Variants in LRRFIP1 observed in about 807,000 individuals in gnomAD.
The protein encoded by LRRFIP1 is leucine-rich repeat flightless-interacting protein 1.
Under a neutral mutation model 104.4 loss-of-function variants are expected in LRRFIP1, and 62 were observed. The observed-to-expected ratio is 0.59, with a 90% confidence interval of 0.48 to 0.73. The LOEUF is 0.73. Ranked by LOEUF, LRRFIP1 falls within the 30% of genes least tolerant of loss-of-function variation. The pLI is 0.00. For missense variants in LRRFIP1, 796 were observed against 824.5 expected, an observed-to-expected ratio of 0.97 and a Z score of 0.42; for synonymous variants, 300 against 299.0, an observed-to-expected ratio of 1.00 and a Z score of -0.03.
chr2:237,685,818 G>A (rs972987224), intron 1 of LRRFIP1, among the ~76,000 whole-genome samples: 2 of 152,120 alleles, frequency 1.3e-5, no homozygotes, highest in East Asian at 1.9e-4. Context: ...TCTCCCCCAT[G>A]CAAAGCCTTT....
rs749202892 is a variant in LRRFIP1, at chr2:237,753,451, C to T, written c.1010C>T (p.Ser337Phe). ...GAGCTTGAAGAACAGCTGGCTGAAT[C>T]TAGGCGGCAGTACGAAGAGAAAAAC... is the stretch of plus-strand genomic sequence containing the variant. ...LLELEEQLAE[S>F]RRQYEEKNKE... Residue 337 changes from serine (S) to phenylalanine (F), a missense_variant, in exon 15 of 24, where the codon TCT becomes TTT. Transcript: ENST00000308482. 5 of 1,595,162 alleles carry T rather than the reference C, an allele frequency of 3.1e-6. No homozygotes were observed. The highest frequency in any genetic ancestry group is 4.3e-6 in the Non-Finnish European group (5 of 1,175,736).
intron 1 of LRRFIP1, among the ~76,000 whole-genome samples, chr2:237,633,302 T>C (rs1165073666): frequency 6.6e-6 from 1 of 152,208 alleles, no homozygotes; most frequent in Non-Finnish European, 1.5e-5. Context: ...GCGTGAACAA[T>C]GTGCCTGTGA....
rs545591316 is a variant in LRRFIP1 at position 237,770,017 on chromosome 2, C to T, written c.1509+25C>T. The T allele has an allele frequency of 8.4e-5, 133 of 1,585,612 alleles. 1 individual carries two copies. The South Asian group carries it at 1.4e-3, about 16-fold the overall frequency. ...GGTAACAATCTTTTTATTACTTTACCGGTTCATGAACAGGGCACCTGAAAC... is the reference window on the plus strand; with the variant it reads ...GGTAACAATCTTTTTATTACTTTACTGGTTCATGAACAGGGCACCTGAAAC... On this transcript the variant is annotated intron_variant, in intron 20 of 23. Coordinates refer to ENST00000308482, the MANE Select transcript of LRRFIP1 (RefSeq NM_001137550.2).
chr2:237,662,718 A>G (rs1021895453), intron 1 of LRRFIP1, among the ~76,000 whole-genome samples: 1 of 152,088 alleles, frequency 6.6e-6, no homozygotes, highest in African/African-American at 2.4e-5. Context: ...GGTTAACATT[A>G]AAAACTGGAA....
chr2:237,699,382 T>C (rs2093380450), intron 1 of LRRFIP1, among the ~76,000 whole-genome samples: 1 of 151,744 alleles, frequency 6.6e-6, no homozygotes, highest in African/African-American at 2.4e-5. Context: ...AGATGGAATT[T>C]CGCTCTGTCG....
intron 11 of LRRFIP1, among the ~76,000 whole-genome samples, chr2:237,747,490 G>C (rs923500186): frequency 6.6e-6 from 1 of 152,152 alleles, no homozygotes; most frequent in African/African-American, 2.4e-5. Context: ...GCAGGTCCCC[G>C]GCACCAGCGT....
intron 1 of LRRFIP1, among the ~76,000 whole-genome samples, chr2:237,688,453 T>C (rs1447194123): frequency 3.4e-5 from 1 of 29,582 alleles, no homozygotes; most frequent in Non-Finnish European, 6.2e-5. Context: ...TTTTTTTTTT[T>C]TTCTTTTTTT....
rs2090034115 is a variant in LRRFIP1 at position 237,669,691 on chromosome 2, TAA to T, written c.97-38850_97-38849del. 2.6e-5 allele frequency among the ~76,000 whole-genome samples: 4 copies of T among 152,242 alleles called. No individual in the cohort carries two copies. In the South Asian group the frequency reaches 8.3e-4, roughly 32 times the overall value. ...GTTTGTTGAGCAGAGGAGTGAGTGC[TAA>T]AAGCTGGAGTTCAGCAGAACCACAG... On this transcript the variant is annotated intron_variant, in intron 1 of 23. Transcript: ENST00000308482.
intron 10 of LRRFIP1, among the ~76,000 whole-genome samples, chr2:237,738,489 C>G (rs115036929): frequency 1.3e-5 from 2 of 152,132 alleles, no homozygotes; most frequent in African/African-American, 4.8e-5. Flanking sequence ...CAGGACATGT[C>G]GGGATCCTAA....
At chr2:237,758,488 C>T (rs533442327) in intron 17 of LRRFIP1, among the ~76,000 whole-genome samples, 29 of 152,262 alleles carry the variant, frequency 1.9e-4, no homozygotes, top group African/African-American at 6.5e-4. Flanking sequence ...GTGCTGTGTC[C>T]GTGTGCTTCA....
At position 237,753,807 on chromosome 2, in the gene LRRFIP1, AAAG is replaced by A. The variant is rs1404753622; in HGVS notation, c.1038+329_1038+331del. 2.4e-3 allele frequency among the ~76,000 whole-genome samples: 339 copies of A among 138,808 alleles called. 6 individuals are homozygous for A. The highest frequency in any genetic ancestry group is 7.0e-3 in the African/African-American group (245 of 35,136). The allele number at this position is 138,808 out of a possible 152,430, so 91.1% of individuals were successfully genotyped here. A position where few individuals can be genotyped will look rare whatever the true frequency, so the allele number is the denominator to read the frequency against. On this transcript the variant is annotated intron_variant, in intron 15 of 23. Coordinates refer to ENST00000308482, the MANE Select transcript of LRRFIP1 (RefSeq NM_001137550.2). ...CACTGTCTCAAAAAAAAAAAAAAAA[AAAG>A]GGAATGGTAGGGTGTGTGTGTGTGT...
At chr2:237,638,557 A>G (rs2083428558) in intron 1 of LRRFIP1, among the ~76,000 whole-genome samples, 1 of 152,184 alleles carries the variant, frequency 6.6e-6, no homozygotes, top group South Asian at 2.1e-4. Context: ...ATATTTTTAA[A>G]TCACCCAAAG....
intron 1 of LRRFIP1, among the ~76,000 whole-genome samples, chr2:237,688,359 G>C (rs2092525822): frequency 6.6e-6 from 1 of 152,122 alleles, no homozygotes. Context: ...AAAAGAAGGA[G>C]GAAGTCAAGC....
chr2:237,748,717 A>G (rs1482369448), intron 12 of LRRFIP1, among the ~76,000 whole-genome samples: 1 of 152,202 alleles, frequency 6.6e-6, no homozygotes, highest in African/African-American at 2.4e-5. Context: ...AAGCCCATGA[A>G]GAGTTTCCAA....
chr2:237,761,738 A>G (rs772685877), intron 19 of LRRFIP1, among the ~76,000 whole-genome samples: 10 of 152,120 alleles, frequency 6.6e-5, no homozygotes, highest in Non-Finnish European at 1.3e-4. Context: ...TATTTCCCCC[A>G]TTTTCCCTGG....
In LRRFIP1 at chr2:237,692,998, T is replaced by C. The variant is rs192785400; in HGVS notation, c.97-15546T>C. Among the ~76,000 whole-genome samples the C allele has an allele frequency of 3.1e-3, 471 of 152,244 alleles. 11 individuals are homozygous for C. The East Asian group carries it at 0.047, about 15-fold the overall frequency. On this transcript the variant is annotated intron_variant, in intron 1 of 23. Transcript: ENST00000308482. ...CCTGGGGACCACCTCCGCCGAGGAC[T>C]CCAGACGCCAAATCCACTTTGGCTA...
At chr2:237,665,213 A>G (rs2088976017) in intron 1 of LRRFIP1, among the ~76,000 whole-genome samples, 1 of 152,254 alleles carries the variant, frequency 6.6e-6, no homozygotes, top group African/African-American at 2.4e-5. Context: ...TTCTAAGGTT[A>G]AAGTAAAATA....
intron 13 of LRRFIP1, among the ~76,000 whole-genome samples, 199 bp downstream of exon 13, chr2:237,749,523 C>T (rs575484187): frequency 6.6e-6 from 1 of 152,308 alleles, no homozygotes; most frequent in Admixed American, 6.5e-5. Flanking sequence ...TCTGATCCTA[C>T]CCACTGACCC....
intron 1 of LRRFIP1, among the ~76,000 whole-genome samples, chr2:237,652,866 C>T (rs545309162): frequency 1.3e-5 from 2 of 152,262 alleles, no homozygotes; most frequent in East Asian, 3.9e-4. Flanking sequence ...GCCCTGTGTC[C>T]CCACCCAAAT....
Sources: allele counts gnomAD v4.1 joint callset (sites outside exome capture counted in the v4.1 genomes callset), GRCh38; gene constraint gnomAD v4.1.1; transcripts MANE v1.5; gene names NCBI Gene and HGNC (gene_info 2026-07-23, HGNC 2026-07-21).